NSD2: variants seen among roughly 807,000 people sequenced by gnomAD.
The protein encoded by NSD2 is histone-lysine N-methyltransferase NSD2.
A neutral mutation model predicts 139.0 loss-of-function variants in NSD2; 12 were observed. The ratio of observed to expected loss-of-function variants is 0.09; its 90% confidence interval spans 0.06 to 0.14. The LOEUF is 0.14. Among genes scored for constraint, NSD2 ranks in the 10% least tolerant of loss-of-function variants. The pLI is 1.00. For synonymous variants in NSD2, 669 were observed against 648.7 expected, an observed-to-expected ratio of 1.03 and a Z score of -0.48; for missense variants, 1,155 against 1,745.0, an observed-to-expected ratio of 0.66 and a Z score of 6.02.
At chr4:1,893,745 A>G (rs928997574) in intron 1 of NSD2, 3 of 152,192 alleles carry the variant, frequency 2.0e-5, no homozygotes, top group African/African-American at 7.2e-5. Context: ...AGATTTCGCC[A>G]TGTTGCCCAG....
intron 3 of NSD2, among the ~76,000 whole-genome samples, chr4:1,909,804 C>A (rs1480767743): frequency 1.3e-5 from 2 of 151,916 alleles, no homozygotes; most frequent in Non-Finnish European, 2.9e-5. Flanking sequence ...CTATGCCCAG[C>A]TAATTTTTGT....
At chr4:1,893,045 A>G (rs1270059868) in intron 1 of NSD2, among the ~76,000 whole-genome samples, 1 of 152,158 alleles carries the variant, frequency 6.6e-6, no homozygotes, top group Non-Finnish European at 1.5e-5. Context: ...TTCCTACAAC[A>G]GCACTTCTCC....
chr4:1,904,821 C>A (rs999246162), intron 3 of NSD2, among the ~76,000 whole-genome samples: 1 of 152,066 alleles, frequency 6.6e-6, no homozygotes, highest in African/African-American at 2.4e-5. Flanking sequence ...TTACATGGAG[C>A]GGCTGATGTA....
chr4:1,951,410 A>C (rs1724210802), intron 10 of NSD2, among the ~76,000 whole-genome samples: 1 of 147,480 alleles, frequency 6.8e-6, no homozygotes, highest in Non-Finnish European at 1.5e-5. Flanking sequence ...CATAATTCAC[A>C]TGTAGGATGA....
chr4:1,944,094 G>A, intron 9 of NSD2: 1 of 1,066,308 alleles, frequency 9.4e-7, no homozygotes, highest in Non-Finnish European at 1.1e-6. Flanking sequence ...GGGGGGTGGG[G>A]TGACATCGTT....
intron 5 of NSD2, among the ~76,000 whole-genome samples, chr4:1,923,330 A>G (rs1720409698): frequency 6.6e-6 from 1 of 152,118 alleles, no homozygotes; most frequent in African/African-American, 2.4e-5. Context: ...AAAAAAAAAA[A>G]AAAAAAAATT....
intron 5 of NSD2, among the ~76,000 whole-genome samples, chr4:1,924,058 G>A (rs1285145014): frequency 6.6e-6 from 1 of 152,166 alleles, no homozygotes. Context: ...GAGTAGCTGT[G>A]GTCATTGTTG....
intron 1 of NSD2, among the ~76,000 whole-genome samples, chr4:1,876,494 C>T (rs1190928843): frequency 6.6e-6 from 1 of 151,914 alleles, no homozygotes; most frequent in African/African-American, 2.4e-5. Context: ...AGTTTGACAC[C>T]AGCTTGGGCA....
At chr4:1,878,806 A>G (rs868527431) in intron 1 of NSD2, among the ~76,000 whole-genome samples, 1 of 152,166 alleles carries the variant, frequency 6.6e-6, no homozygotes, top group African/African-American at 2.4e-5. Flanking sequence ...GGGCTGGAGA[A>G]CTGTGACTTA....
rs1727687343 is a variant in NSD2, at chr4:1,980,827, ACT to A, written c.*1921_*1922del. On this transcript the variant is annotated 3_prime_UTR_variant, in exon 22 of 22. Coordinates refer to ENST00000508803, the MANE Select transcript of NSD2 (RefSeq NM_001042424.3). ...GTGGGAGTAGTGCTTTCCAGTTCAG[ACT>A]CTAACTTCTCCCAAAGTGTCCTAAG... The A allele has an allele frequency of 4.3e-6, 1 of 233,174 alleles. No individual in the cohort carries two copies. Among genetic ancestry groups the A allele is most frequent in the African/African-American group, 2.2e-5 (1 of 45,414 alleles). 14.4% of individuals were successfully genotyped at this position (233,174 alleles called of 1,614,324 possible).
chr4:1,875,568 AATTG>A (rs1253508250), intron 1 of NSD2, among the ~76,000 whole-genome samples: 1 of 152,008 alleles, frequency 6.6e-6, no homozygotes, highest in Non-Finnish European at 1.5e-5. Flanking sequence ...CTTTTTAAAG[AATTG>A]ATTGATTTGA....
chr4:1,916,770 C>T (rs1577430841), intron 3 of NSD2, 101 bp from the exon 4 acceptor site: 6 of 1,198,712 alleles, frequency 5.0e-6, no homozygotes, highest in Admixed American at 2.5e-5. Flanking sequence ...TTAACAGGCT[C>T]AGACAACACC....
intron 1 of NSD2, among the ~76,000 whole-genome samples, chr4:1,872,115 C>T (rs1453061499): frequency 1.3e-5 from 2 of 151,912 alleles, no homozygotes; most frequent in Non-Finnish European, 1.5e-5. Flanking sequence ...CTGGCGTTGA[C>T]ACTCGCGGCG....
At chr4:1,892,128 T>C (rs1301444041) in intron 1 of NSD2, 1 of 152,090 alleles carries the variant, frequency 6.6e-6, no homozygotes, top group Non-Finnish European at 1.5e-5. Context: ...ACTCAGTGGT[T>C]CTTTATTTTT....
intron 1 of NSD2, among the ~76,000 whole-genome samples, chr4:1,897,985 C>T (rs1716589717): frequency 6.6e-6 from 1 of 152,130 alleles, no homozygotes; most frequent in South Asian, 2.1e-4. Flanking sequence ...TTTTGGAGGA[C>T]CACTGTTTTC....
At position 1,955,676 on chromosome 4, in the gene NSD2, T is replaced by C; in HGVS notation, c.2519-17T>C. On this transcript the variant is annotated splice_polypyrimidine_tract_variant and intron_variant, in intron 13 of 21. Coordinates refer to ENST00000508803, the MANE Select transcript of NSD2 (RefSeq NM_001042424.3). This position sits in a 1 kb window ranked among gnomAD's most constrained non-coding sequence, Gnocchi z 4.7. ...AGCAGACAGGCTAAGCCTGGCCGCC[T>C]CGCCCTCCTCTTGCAGGGGGGAGCC... 1 of 1,606,776 alleles carries C rather than the reference T, an allele frequency of 6.2e-7. No homozygotes were observed. Among genetic ancestry groups the C allele is most frequent in the Non-Finnish European group, 8.5e-7 (1 of 1,175,856 alleles).
chr4:1,954,092 C>G (rs1387096305), intron 12 of NSD2, among the ~76,000 whole-genome samples: 2 of 151,978 alleles, frequency 1.3e-5, no homozygotes, highest in Admixed American at 1.3e-4. Context: ...TTCAAGCGAT[C>G]CTCCTGCCTC....
rs926771910 is a variant in NSD2, at chr4:1,946,001, G to A, written c.1882-5071G>A. On this transcript the variant is annotated intron_variant, in intron 9 of 21. Coordinates refer to ENST00000508803, the MANE Select transcript of NSD2 (RefSeq NM_001042424.3). ...ACTTTTGTATACAGACCAGGTGAGA[G>A]CCCTTTTGCCTTAGTGTGAAAATGT... 1.1e-5 allele frequency: 11 copies of A among 1,045,438 alleles called. No homozygotes were observed. The African/African-American group carries it at 1.5e-4, about 14-fold the overall frequency. 64.8% of individuals were successfully genotyped at this position (1,045,438 alleles called of 1,614,324 possible).
intron 1 of NSD2, among the ~76,000 whole-genome samples, chr4:1,877,028 T>G (rs369731282): frequency 2.6e-5 from 4 of 151,708 alleles, no homozygotes; most frequent in African/African-American, 9.7e-5. Context: ...TCCCAGCTAC[T>G]CGGGAGGCTG....
Sources: allele counts gnomAD v4.1 joint callset (sites outside exome capture counted in the v4.1 genomes callset), GRCh38; gene constraint gnomAD v4.1.1; non-coding constraint Gnocchi (gnomAD v3.1); transcripts MANE v1.5; gene names NCBI Gene and HGNC (gene_info 2026-07-23, HGNC 2026-07-21).